CEP83: variants seen among roughly 807,000 people sequenced by gnomAD.
The protein encoded by CEP83 is centrosomal protein 83.
CEP83 carries 70 observed loss-of-function variants against 101.9 expected under a neutral mutation model. The observed-to-expected ratio is 0.69, with a 90% CI of 0.57 to 0.84. The LOEUF is 0.84. Ranked by LOEUF, CEP83 falls within the 40% of genes least tolerant of loss-of-function variation. The probability of loss-of-function intolerance (pLI) is 0.00; values close to 1 mark genes in which losing one functional copy is unlikely to be tolerated. For synonymous variants in CEP83, 264 were observed against 267.9 expected, an observed-to-expected ratio of 0.99 and a Z score of 0.14; for missense variants, 715 against 787.2, an observed-to-expected ratio of 0.91 and a Z score of 1.10.
At chr12:94,411,926 C>T in intron 3 of CEP83, 79 bp from the exon 4 acceptor site, 1 of 1,145,676 alleles carries the variant, frequency 8.7e-7, no homozygotes. Context: ...AGTCAATCAA[C>T]ACCACAGAAA....
intron 3 of CEP83, 66 bp from the exon 4 acceptor site, chr12:94,411,913 T>G (rs1566126647): frequency 1.5e-6 from 2 of 1,296,966 alleles, no homozygotes; most frequent in Admixed American, 2.0e-5. Context: ...TTACTTTATG[T>G]AAAGTCAATC....
chr12:94,382,859 G>A lies in CEP83; in HGVS notation c.550-3817C>T, dbSNP rs186381309. Among the ~76,000 whole-genome samples, 105 of 152,074 alleles carry A rather than the reference G, an allele frequency of 6.9e-4. 1 individual carries two copies. Among genetic ancestry groups the A allele is most frequent in the Middle Eastern group, 3.4e-3 (1 of 294 alleles). Reference sequence around the variant, plus strand: ...TCTGGGTGTTCTCCTTGGGTGGCATGTTTTATAAATGTTATTTAGGTTCTG... The same window carrying A: ...TCTGGGTGTTCTCCTTGGGTGGCATATTTTATAAATGTTATTTAGGTTCTG... On this transcript the variant is annotated intron_variant, in intron 6 of 16. Transcript: ENST00000397809.
intron 11 of CEP83, among the ~76,000 whole-genome samples, chr12:94,363,386 G>C (rs527572967): frequency 6.6e-6 from 1 of 152,110 alleles, no homozygotes; most frequent in Non-Finnish European, 1.5e-5. Context: ...TTGCATTTTT[G>C]GTGGGAATTT....
At chr12:94,357,972 T>C (rs2136889195) in intron 11 of CEP83, among the ~76,000 whole-genome samples, 1 of 152,304 alleles carries the variant, frequency 6.6e-6, no homozygotes, top group South Asian at 2.1e-4. Context: ...TAAATCAAAT[T>C]ACTGATAAAT....
At chr12:94,301,554 C>T (rs2136230154), downstream of CEP83, among the ~76,000 whole-genome samples, 1 of 152,224 alleles carries the variant, frequency 6.6e-6, no homozygotes, top group African/African-American at 2.4e-5. Context: ...GATCAATAGT[C>T]CCAAGAACTC....
At chr12:94,304,869 G>T (rs1239178087), downstream of CEP83, among the ~76,000 whole-genome samples, 1 of 152,216 alleles carries the variant, frequency 6.6e-6, no homozygotes. Flanking sequence ...CTGCATGTTG[G>T]CTGCCCAGGA....
chr12:94,399,096 C>T (rs1239966106), intron 6 of CEP83, among the ~76,000 whole-genome samples: 3 of 152,130 alleles, frequency 2.0e-5, no homozygotes, highest in East Asian at 3.9e-4. Flanking sequence ...TGTTTCTGCC[C>T]TTTGCCTTTT....
chr12:94,297,253 A>G, the CEP83 span: 2 of 1,613,616 alleles, frequency 1.2e-6, no homozygotes, highest in Non-Finnish European at 1.7e-6. Context: ...TCACCACTGA[A>G]CTGCATGCCT....
At chr12:94,384,601 T>C (rs1244056569) in intron 6 of CEP83, among the ~76,000 whole-genome samples, 3 of 152,152 alleles carry the variant, frequency 2.0e-5, no homozygotes, top group Non-Finnish European at 4.4e-5. Flanking sequence ...CTATTTTCTC[T>C]AGTCTGTTCA....
At chr12:94,269,389 C>A in the CEP83 span, among the ~76,000 whole-genome samples, 2 of 152,170 alleles carry the variant, frequency 1.3e-5, no homozygotes, top group East Asian at 3.8e-4. Context: ...GCCAGCCTAC[C>A]CCAGTCTGTC....
chr12:94,339,389 A>C (rs1191579044), intron 11 of CEP83, among the ~76,000 whole-genome samples: 1 of 152,210 alleles, frequency 6.6e-6, no homozygotes, highest in Non-Finnish European at 1.5e-5. Flanking sequence ...TGATGGTGGA[A>C]ATATTCTACA....
chr12:94,378,738 C>T (rs1344718053), intron 7 of CEP83, 53 bp downstream of exon 7: 28 of 1,587,724 alleles, frequency 1.8e-5, no homozygotes, highest in Admixed American at 7.1e-5. Context: ...GGCTTGTCAA[C>T]TGCACTTTAA....
intron 2 of CEP83, among the ~76,000 whole-genome samples, chr12:94,413,821 T>TAC (rs1294128109): frequency 4.2e-5 from 5 of 118,192 alleles, no homozygotes; most frequent in African/African-American, 1.3e-4. Flanking sequence ...AGTCCCATAA[T>TAC]ACATACACAC....
intron 2 of CEP83, among the ~76,000 whole-genome samples, chr12:94,431,316 G>A (rs567014663): frequency 2.6e-5 from 4 of 152,082 alleles, no homozygotes; most frequent in Non-Finnish European, 2.9e-5. Flanking sequence ...AGATACAAAC[G>A]TAAGACCCAA....
chr12:94,266,818 G>A, the CEP83 span, among the ~76,000 whole-genome samples: 1 of 152,236 alleles, frequency 6.6e-6, no homozygotes, highest in Non-Finnish European at 1.5e-5. Context: ...AGGCATGTGA[G>A]TGCTACCTAA....
At chr12:94,318,757 A>G (rs1211114004) in intron 14 of CEP83, among the ~76,000 whole-genome samples, 2 of 152,204 alleles carry the variant, frequency 1.3e-5, no homozygotes, top group African/African-American at 4.8e-5. Context: ...TCCCAAAGAT[A>G]AAACCTACAT....
chr12:94,396,165 T>C (rs2062877372), intron 6 of CEP83, among the ~76,000 whole-genome samples: 1 of 151,008 alleles, frequency 6.6e-6, no homozygotes, highest in Non-Finnish European at 1.5e-5. Flanking sequence ...AGTCCTAATA[T>C]AATAAAAACA....
chr12:94,433,197 T>C (rs2065769260), intron 2 of CEP83, among the ~76,000 whole-genome samples: 1 of 152,184 alleles, frequency 6.6e-6, no homozygotes, highest in Non-Finnish European at 1.5e-5. Flanking sequence ...TTTAAACTTT[T>C]AGATGGATAG....
Position 94,398,451 on chromosome 12 carries a change from C to T in CEP83, c.549+2399G>A, listed in dbSNP as rs187354098. ...TTTAATATGGACATTTATCAGTTCC[C>T]AAATTAATACTTTTATCATTTCTTA... On this transcript the variant is annotated intron_variant, in intron 6 of 16. Transcript: ENST00000397809. 1.6e-3 allele frequency among the ~76,000 whole-genome samples: 243 copies of T among 152,168 alleles called. 3 individuals carry two copies. Among genetic ancestry groups the T allele is most frequent in the Admixed American group, 0.013 (201 of 15,278 alleles).
Sources: gnomAD v4.1 joint callset for allele counts (sites outside exome capture counted in the v4.1 genomes callset) on GRCh38, gnomAD v4.1.1 for gene constraint, MANE v1.5 for transcripts, NCBI Gene and HGNC (gene_info 2026-07-23, HGNC 2026-07-21) for gene names.